Variants in CENPH observed in about 807,000 individuals in gnomAD.
CENPH encodes CENP-H.
In CENPH, 40 loss-of-function variants were observed where a neutral mutation model predicts 42.9. The ratio of observed to expected loss-of-function variants is 0.93; its 90% CI spans 0.72 to 1.21. The LOEUF (loss-of-function observed/expected upper bound fraction) is 1.21, where lower values mean the gene tolerates loss of function less well. Ranked by LOEUF, CENPH falls within the 50% of genes most tolerant of loss-of-function variation. The pLI is 0.00. For missense variants in CENPH, 302 were observed against 292.9 expected (o/e 1.03, Z -0.23); for synonymous variants, 88 against 96.5 (o/e 0.91, Z 0.52).
chr5:69,197,740 C>G (rs1747987161), intron 5 of CENPH, among the ~76,000 whole-genome samples: 1 of 151,420 alleles, frequency 6.6e-6, no homozygotes, highest in South Asian at 2.1e-4. Context: ...CAACATGGCA[C>G]ATGTATACAT....
chr5:69,195,008 T>C (rs1747940854), intron 3 of CENPH, among the ~76,000 whole-genome samples: 1 of 151,574 alleles, frequency 6.6e-6, no homozygotes, highest in Non-Finnish European at 1.5e-5. Context: ...GGTGGGTGGA[T>C]CACCCGAGGT....
Position 69,189,663 on chromosome 5 carries a change from C to G in CENPH, c.29C>G (p.Ala10Gly), listed in dbSNP as rs774744018. Residue 10 changes from alanine to glycine, a missense_variant, in exon 1 of 9, where the codon GCC becomes GGC. Transcript: ENST00000283006. MEEQPQMQD[A>G]DEPADSGGEG... ...GAGGAGCAGCCCCAGATGCAAGACG[C>G]CGACGAGCCCGCGGACTCCGGAGGG... 15 of 1,600,188 alleles carry G rather than the reference C, an allele frequency of 9.4e-6. No homozygotes were observed. The South Asian group carries it at 1.7e-4, about 18-fold the overall frequency.
chr5:69,208,283 C>T lies in CENPH; in HGVS notation c.575C>T (p.Ser192Leu). Residue 192 changes from serine (S) to leucine (L), a missense_variant, in exon 8 of 9, where the codon TCA becomes TTA. By Grantham distance (145) the Ser-to-Leu change is moderately radical (BLOSUM62 -2). Coordinates refer to ENST00000283006, the MANE Select transcript of CENPH (RefSeq NM_022909.4). ...ATTGATTTGGACAGTATGGAAAACT[C>T]AGAGAGGATAAAGATCATACGACAA... ...QKIDLDSMEN[S>L]ERIKIIRQNL... 1.3e-6 allele frequency: 2 copies of T among 1,596,444 alleles called. No homozygotes were observed. The highest frequency in any genetic ancestry group is 1.7e-6 in the Non-Finnish European group (2 of 1,164,194).
At chr5:69,190,695 C>T (rs1747853346) in intron 1 of CENPH, among the ~76,000 whole-genome samples, 1 of 152,148 alleles carries the variant, frequency 6.6e-6, no homozygotes, top group Non-Finnish European at 1.5e-5. Flanking sequence ...GCCTGGCCAA[C>T]CATGGCCAAC....
At position 69,201,503 on chromosome 5, in the gene CENPH, C is replaced by T. The variant is rs552278157; in HGVS notation, c.372-1003C>T. 1.6e-3 allele frequency among the ~76,000 whole-genome samples: 240 copies of T among 152,248 alleles called. 3 individuals are homozygous for T. Among genetic ancestry groups the T allele is most frequent in the African/African-American group, 5.4e-3 (226 of 41,542 alleles). ...TAAAGAAGTAAAAAAGCAGTTTGTTCCTTGAAACTATTCTGTATGCTGCAA... is the reference window on the plus strand; with the variant it reads ...TAAAGAAGTAAAAAAGCAGTTTGTTTCTTGAAACTATTCTGTATGCTGCAA... On this transcript the variant is annotated intron_variant, in intron 5 of 8. Transcript: ENST00000283006.
Position 69,202,468 on chromosome 5 carries a change from A to G in CENPH, c.372-38A>G, listed in dbSNP as rs191102395. On this transcript the variant is annotated intron_variant, in intron 5 of 8. Transcript: ENST00000283006. ...AGCTATTATTTTTAATTAAGTTACA[A>G]ATAACCTTAATAAATCATCTTTTTG... The G allele has an allele frequency of 6.9e-4, 823 of 1,197,384 alleles. 4 individuals are homozygous for G. In the African/African-American group the frequency reaches 0.011, roughly 16 times the overall value. 74.2% of individuals were successfully genotyped at this position (1,197,384 alleles called of 1,614,324 possible).
chr5:69,191,946 G>T (rs1031386025), intron 2 of CENPH, 96 bp downstream of exon 2: 2 of 685,238 alleles, frequency 2.9e-6, no homozygotes, highest in African/African-American at 1.8e-5. Context: ...ATGTAGTGGC[G>T]CAGTCTCTGG....
intron 2 of CENPH, among the ~76,000 whole-genome samples, chr5:69,194,134 T>A (rs544988522): frequency 6.6e-6 from 1 of 152,060 alleles, no homozygotes; most frequent in Non-Finnish European, 1.5e-5. Flanking sequence ...TGTTGATCCC[T>A]ACACAAGTGC....
chr5:69,189,664 C>G lies in CENPH; in HGVS notation c.30C>G (p.Ala10=), dbSNP rs762130258. MEEQPQMQD[A]DEPADSGGEG... ...AGGAGCAGCCCCAGATGCAAGACGC[C>G]GACGAGCCCGCGGACTCCGGAGGGG... The change falls in exon 1 of 9, where the codon GCC becomes GCG. Residue 10 remains alanine, a synonymous_variant. Coordinates refer to ENST00000283006, the MANE Select transcript of CENPH (RefSeq NM_022909.4). 6.2e-7 allele frequency: 1 copy of G among 1,600,130 alleles called. No individual in the cohort carries two copies. Among genetic ancestry groups the G allele is most frequent in the South Asian group, 1.1e-5 (1 of 89,358 alleles).
At chr5:69,193,193 GTA>G (rs150147504) in intron 2 of CENPH, among the ~76,000 whole-genome samples, 17,729 of 151,222 alleles carry the variant, frequency 0.12, 1,115 homozygotes, top group Admixed American at 0.17. Context: ...GTGTATATAT[GTA>G]TATATATGTA....
chr5:69,200,125 A>C (rs1342695268), intron 5 of CENPH, among the ~76,000 whole-genome samples: 5 of 151,772 alleles, frequency 3.3e-5, no homozygotes, highest in Admixed American at 6.6e-5. Flanking sequence ...AAAAAAAAAA[A>C]AAAAAAAACA....
At chr5:69,204,652 C>A (rs747870625) in intron 7 of CENPH, among the ~76,000 whole-genome samples, 2 of 137,554 alleles carry the variant, frequency 1.5e-5, no homozygotes, top group Non-Finnish European at 3.0e-5. Context: ...GTCACCCAGG[C>A]TGGAGTGCAG....
At chr5:69,209,243 C>T (rs997469425) in intron 8 of CENPH, among the ~76,000 whole-genome samples, 3 of 152,046 alleles carry the variant, frequency 2.0e-5, no homozygotes, top group Non-Finnish European at 4.4e-5. Flanking sequence ...AAGAATGCTG[C>T]TGGGTGTGGT....
In CENPH at chr5:69,202,974, T is replaced by C. The variant is rs1370457606; in HGVS notation, c.487+4T>C. ...GATATTAGAAAGAAGAGATTGCGTA[T>C]GTAGAACACTTTTTTTTTGGCAGAA... On this transcript the variant is annotated splice_donor_region_variant and intron_variant, in intron 7 of 8. Coordinates refer to ENST00000283006, the MANE Select transcript of CENPH (RefSeq NM_022909.4). 2.5e-6 allele frequency: 4 copies of C among 1,580,764 alleles called. No homozygotes were observed. Among genetic ancestry groups the C allele is most frequent in the Non-Finnish European group, 3.5e-6 (4 of 1,156,280 alleles).
intron 7 of CENPH, among the ~76,000 whole-genome samples, chr5:69,204,919 C>CTTTTTTTT (rs375795328): frequency 4.0e-5 from 4 of 99,414 alleles, no homozygotes; most frequent in African/African-American, 7.8e-5. Context: ...TTTTCTTTTT[C>CTTTTTTTT]TTTTTTTTTT....
chr5:69,195,947 T>C (rs913893057), intron 4 of CENPH, among the ~76,000 whole-genome samples, 156 bp downstream of exon 4: 5 of 152,130 alleles, frequency 3.3e-5, no homozygotes, highest in Admixed American at 6.6e-5. Context: ...ATTATTGTTA[T>C]AATTTTTTAA....
rs571689948 is a variant in CENPH at position 69,203,561 on chromosome 5, A to G, written c.487+591A>G. 1.1e-4 allele frequency among the ~76,000 whole-genome samples: 16 copies of G among 151,884 alleles called. No homozygotes were observed. In the East Asian group the frequency reaches 2.9e-3, roughly 28 times the overall value. On this transcript the variant is annotated intron_variant, in intron 7 of 8. Coordinates refer to ENST00000283006, the MANE Select transcript of CENPH (RefSeq NM_022909.4). ...TTCGTATTTTTTTAGTAGAGATGGGATTTCACCATGTTGGCCAGGCTGGTC... is the reference window on the plus strand; with the variant it reads ...TTCGTATTTTTTTAGTAGAGATGGGGTTTCACCATGTTGGCCAGGCTGGTC...
At chr5:69,196,092 C>T (rs1008801896) in intron 4 of CENPH, among the ~76,000 whole-genome samples, 3 of 152,132 alleles carry the variant, frequency 2.0e-5, no homozygotes, top group Non-Finnish European at 2.9e-5. Context: ...GCATGCAAAA[C>T]CACGCTTGGC....
In CENPH at chr5:69,200,719, C is replaced by CTTTTTTTTTTTTTTTTTTTTTTTTTT. The variant is rs70992906; in HGVS notation, c.372-1778_372-1753dup. 7.5e-4 allele frequency among the ~76,000 whole-genome samples: 35 copies of CTTTTTTTTTTTTTTTTTTTTTTTTTT among 46,916 alleles called. 12 individuals are homozygous for CTTTTTTTTTTTTTTTTTTTTTTTTTT. Among genetic ancestry groups the CTTTTTTTTTTTTTTTTTTTTTTTTTT allele is most frequent in the Non-Finnish European group, 1.3e-3 (31 of 24,016 alleles). 30.8% of individuals were successfully genotyped at this position (46,916 alleles called of 152,430 possible). ...TCCCAAACTTTCTGAATCAGCGTAT[C>CTTTTTTTTTTTTTTTTTTTTTTTTTT]TTTTTTTTTTTTTTTTTTTTTTTTT... On this transcript the variant is annotated intron_variant, in intron 5 of 8. Coordinates refer to ENST00000283006, the MANE Select transcript of CENPH (RefSeq NM_022909.4).
Sources: allele counts gnomAD v4.1 joint callset (sites outside exome capture counted in the v4.1 genomes callset), GRCh38; gene constraint gnomAD v4.1.1; transcripts MANE v1.5; gene names NCBI Gene and HGNC (gene_info 2026-07-23, HGNC 2026-07-21).